DPP6: variants seen among roughly 807,000 people sequenced by gnomAD.
DPP6 encodes the protein A-type potassium channel modulatory protein DPP6.
A neutral mutation model predicts 122.6 loss-of-function variants in DPP6; 69 were observed. That is an observed-to-expected ratio of 0.56 (90% CI 0.46 to 0.69). DPP6 has a LOEUF of 0.69. Among genes scored for constraint, DPP6 ranks in the 30% least tolerant of loss-of-function variants. The pLI is 0.00. For synonymous variants in DPP6, 418 were observed against 433.1 expected, an observed-to-expected ratio of 0.97 and a Z score of 0.43; for missense variants, 928 against 1,116.9, an observed-to-expected ratio of 0.83 and a Z score of 2.41.
chr7:154,242,653 C>A (rs1801699569), intron 1 of DPP6, among the ~76,000 whole-genome samples: 1 of 152,226 alleles, frequency 6.6e-6, no homozygotes, highest in Non-Finnish European at 1.5e-5. Flanking sequence ...GGACCGTTTC[C>A]TGCACATCTC....
chr7:154,765,923 G>A (rs1795868760), intron 8 of DPP6, among the ~76,000 whole-genome samples: 2 of 152,192 alleles, frequency 1.3e-5, no homozygotes, highest in South Asian at 2.1e-4. Context: ...TTGGTGCATG[G>A]CATTTAAGCC....
chr7:154,843,475 C>T (rs565818846), intron 16 of DPP6, among the ~76,000 whole-genome samples: 223 of 152,344 alleles, frequency 1.5e-3, no homozygotes, highest in Admixed American at 2.7e-3. Flanking sequence ...TTTGTCGGTA[C>T]AGGCAGACAC....
intron 1 of DPP6, among the ~76,000 whole-genome samples, chr7:154,397,114 A>G (rs1186757262): frequency 6.6e-6 from 1 of 150,598 alleles, no homozygotes; most frequent in African/African-American, 2.4e-5. Flanking sequence ...TAGAAGATAA[A>G]TGTAAAATTA....
the DPP6 span, among the ~76,000 whole-genome samples, chr7:153,879,256 T>A: frequency 6.6e-6 from 1 of 152,128 alleles, no homozygotes; most frequent in Admixed American, 6.6e-5. Flanking sequence ...TGGGTCTGAG[T>A]GTTGGTGGTA....
chr7:154,199,524 A>C (rs1799054209), intron 1 of DPP6, among the ~76,000 whole-genome samples: 1 of 152,142 alleles, frequency 6.6e-6, no homozygotes, highest in African/African-American at 2.4e-5. Flanking sequence ...CGTCCTTTAG[A>C]TATTCATGAA....
At chr7:153,797,831 A>G in the DPP6 span, among the ~76,000 whole-genome samples, 1 of 151,926 alleles carries the variant, frequency 6.6e-6, no homozygotes, top group African/African-American at 2.4e-5. Context: ...GTGTCCCTCC[A>G]TCTTCTTCTT....
At chr7:153,757,375 T>C in the DPP6 span, among the ~76,000 whole-genome samples, 1 of 152,232 alleles carries the variant, frequency 6.6e-6, no homozygotes, top group Admixed American at 6.5e-5. Context: ...ATTTTGTTTT[T>C]CATAAACCAA....
intron 1 of DPP6, among the ~76,000 whole-genome samples, chr7:154,223,901 C>T (rs549831631): frequency 5.4e-5 from 8 of 148,710 alleles, no homozygotes; most frequent in South Asian, 2.1e-4. Flanking sequence ...GTGGCCCAGC[C>T]GGGGAAACAT....
At chr7:154,008,658 C>CT (rs57634994) in intron 1 of DPP6, among the ~76,000 whole-genome samples, 3,176 of 101,360 alleles carry the variant, frequency 0.031, 90 homozygotes, top group African/African-American at 0.066. Flanking sequence ...TATTTCTTTT[C>CT]TTTTTTTTTT....
chr7:154,667,966 C>T (rs1196641156), intron 6 of DPP6, among the ~76,000 whole-genome samples: 2 of 151,404 alleles, frequency 1.3e-5, no homozygotes, highest in Non-Finnish European at 2.9e-5. Context: ...CCCCATCTGT[C>T]TTTACTCTAA....
At chr7:154,260,794 T>C (rs1802967692) in intron 1 of DPP6, among the ~76,000 whole-genome samples, 1 of 146,566 alleles carries the variant, frequency 6.8e-6, no homozygotes, top group African/African-American at 2.5e-5. Context: ...GCTATAAACA[T>C]GTGTGTGCAG....
intron 4 of DPP6, among the ~76,000 whole-genome samples, chr7:154,551,443 C>T (rs2130377790): frequency 6.6e-6 from 1 of 152,226 alleles, no homozygotes; most frequent in East Asian, 1.9e-4. Context: ...GAGGGCCTAA[C>T]TTTTCTAAAC....
chr7:154,755,149 A>T lies in DPP6; in HGVS notation c.884-14268A>T, dbSNP rs941958039. 1.2e-4 allele frequency among the ~76,000 whole-genome samples: 6 copies of T among 49,268 alleles called. No homozygotes were observed. Among genetic ancestry groups the T allele is most frequent in the African/African-American group, 4.0e-4 (2 of 4,950 alleles). 32.3% of individuals were successfully genotyped at this position (49,268 alleles called of 152,430 possible). On this transcript the variant is annotated intron_variant, in intron 8 of 25. Transcript: ENST00000377770. The surrounding 1 kb of genome is among the most constrained non-coding windows in gnomAD (Gnocchi z 4.7). ...CCCAGAACTTAAAGTAAAATAAATT[A>T]AAAAAAAAAAAAAAAGAAACTGAAC... is the stretch of plus-strand genomic sequence containing the variant.
At chr7:154,557,367 C>T (rs1293298373) in intron 4 of DPP6, among the ~76,000 whole-genome samples, 2 of 152,186 alleles carry the variant, frequency 1.3e-5, no homozygotes, top group African/African-American at 4.8e-5. Flanking sequence ...GGACTAATTT[C>T]TAAGTGTAAA....
intron 8 of DPP6, among the ~76,000 whole-genome samples, chr7:154,738,516 G>A (rs1250430422): frequency 6.6e-6 from 1 of 152,190 alleles, no homozygotes; most frequent in African/African-American, 2.4e-5. Flanking sequence ...CTGTGAGGAT[G>A]GGGGAATTAT....
At chr7:154,516,349 C>T (rs1185061471) in intron 3 of DPP6, among the ~76,000 whole-genome samples, 1 of 151,870 alleles carries the variant, frequency 6.6e-6, no homozygotes, top group Non-Finnish European at 1.5e-5. Flanking sequence ...CTGGGAATGT[C>T]AGGAGACCAT....
intron 2 of DPP6, among the ~76,000 whole-genome samples, chr7:154,473,050 C>T (rs1822424768): frequency 6.6e-6 from 1 of 152,078 alleles, no homozygotes; most frequent in Admixed American, 6.5e-5. Context: ...ACATAGATAC[C>T]TTAAGTTGCA....
At chr7:153,989,673 G>A (rs1797055310) in intron 1 of DPP6, among the ~76,000 whole-genome samples, 1 of 152,064 alleles carries the variant, frequency 6.6e-6, no homozygotes, top group Non-Finnish European at 1.5e-5. Context: ...GAATGAGCTT[G>A]AGAGAGTCTG....
chr7:153,851,342 A>T, the DPP6 span, among the ~76,000 whole-genome samples: 2 of 152,228 alleles, frequency 1.3e-5, no homozygotes, highest in Non-Finnish European at 2.9e-5. Flanking sequence ...TACTTTGTAC[A>T]TTTCAAAATA....
Sources: allele counts gnomAD v4.1 joint callset (sites outside exome capture counted in the v4.1 genomes callset), GRCh38; gene constraint gnomAD v4.1.1; non-coding constraint Gnocchi (gnomAD v3.1); transcripts MANE v1.5; gene names NCBI Gene and HGNC (gene_info 2026-07-23, HGNC 2026-07-21).